AOX1: variants seen among roughly 807,000 people sequenced by gnomAD.
AOX1 encodes aldehyde oxidase 1, also known as aldehyde oxidase.
A neutral mutation model predicts 169.5 loss-of-function variants in AOX1; 153 were observed. That is an observed-to-expected ratio of 0.90 (90% CI 0.79 to 1.03). The LOEUF (loss-of-function observed/expected upper bound fraction) is 1.03. Ranked by LOEUF, AOX1 falls within the 50% of genes least tolerant of loss-of-function variation. The pLI, the probability that AOX1 is intolerant of heterozygous loss-of-function variation, is 0.00. For missense variants in AOX1, 1,656 were observed against 1,663.9 expected (o/e 1.00, Z 0.08); for synonymous variants, 562 against 581.9 (o/e 0.97, Z 0.49).
chr2:200,666,911 T>C lies in AOX1; in HGVS notation c.3609+159T>C, dbSNP rs146806562. 9.2e-3 allele frequency among the ~76,000 whole-genome samples: 1,403 copies of C among 152,244 alleles called. 21 individuals are homozygous for C. The highest frequency in any genetic ancestry group is 0.032 in the African/African-American group (1,340 of 41,520). On this transcript the variant is annotated intron_variant, in intron 32 of 34. Transcript: ENST00000374700. ...CTGCAGAGCTCAAATGTTTTACTGT[T>C]TAAAAGGGGGAAGGAAATAAAGGTG... is the stretch of plus-strand genomic sequence containing the variant.
intron 4 of AOX1, chr2:200,676,800 CT>C: frequency 4.7e-6 from 2 of 421,162 alleles, no homozygotes; most frequent in Non-Finnish European, 9.8e-6. Context: ...CAGACAGGAG[CT>C]GGTTGGAGGA....
rs148405359 is a variant in AOX1 at position 200,654,537 on chromosome 2, A to G, written c.3076-2305A>G. ...GCTGTGGTTTGGAGCTGAACCTGCA[A>G]TATCAGTGTACTTACTTCCTGCAGT... On this transcript the variant is annotated intron_variant, in intron 26 of 34. Coordinates refer to ENST00000374700, the MANE Select transcript of AOX1 (RefSeq NM_001159.4). Among the ~76,000 whole-genome samples, 46 of 152,352 alleles carry G rather than the reference A, an allele frequency of 3.0e-4. No homozygotes were observed. The East Asian group carries it at 5.0e-3, about 17-fold the overall frequency.
chr2:200,620,744 G>C lies in AOX1; in HGVS notation c.1799G>C (p.Cys600Ser). The C allele has an allele frequency of 6.2e-7, 1 of 1,609,006 alleles. No individual in the cohort carries two copies. The highest frequency in any genetic ancestry group is 8.5e-7 in the Non-Finnish European group (1 of 1,178,412). Reference protein sequence around the residue: ...VKHATGEAIYCDDMPLVDQEL... With the variant: ...VKHATGEAIYSDDMPLVDQEL... ...CATGCCACGGGGGAGGCCATCTACT[G>C]TGATGACATGCCTCTGGTGGACCAG... Residue 600 changes from cysteine to serine, a missense_variant, in exon 17 of 35, where the codon TGT becomes TCT. Physicochemically the swap from Cys to Ser is moderately radical, Grantham distance 112. Transcript: ENST00000374700.
At position 200,666,871 on chromosome 2, in the gene AOX1, C is replaced by T. The variant is rs904124907; in HGVS notation, c.3609+119C>T. Reference sequence around the variant, plus strand: ...CTTATTTTTCTAACCCTTTAGTCAACTCTATTCAGACCAACTGCAGAGCTC... The same window carrying T: ...CTTATTTTTCTAACCCTTTAGTCAATTCTATTCAGACCAACTGCAGAGCTC... On this transcript the variant is annotated intron_variant, in intron 32 of 34. Transcript: ENST00000374700. 7 of 627,954 alleles carry T rather than the reference C, an allele frequency of 1.1e-5. No homozygotes were observed. In the African/African-American group the frequency reaches 1.1e-4, roughly 10 times the overall value. The allele number at this position is 627,954 out of a possible 1,614,324, so 38.9% of individuals were successfully genotyped here. A position where few individuals can be genotyped will look rare whatever the true frequency, so the allele number is the denominator to read the frequency against.
At chr2:200,597,091 G>A (rs2465657) in intron 3 of AOX1, among the ~76,000 whole-genome samples, 32,320 of 152,076 alleles carry the variant, frequency 0.21, 3,690 homozygotes, top group East Asian at 0.44. Context: ...CCTCATTCAA[G>A]AGCAAAAACC....
chr2:200,675,775 G>A (rs1279779665), downstream of AOX1, among the ~76,000 whole-genome samples: 1 of 151,952 alleles, frequency 6.6e-6, no homozygotes, highest in Middle Eastern at 3.2e-3. Flanking sequence ...ACTGTTTTAA[G>A]CACTTTACTT....
chr2:200,588,726 C>CTTTTTTTTTTTTTTTTTGTTTTTTT (rs2034097349), intron 1 of AOX1, among the ~76,000 whole-genome samples: 1 of 53,986 alleles, frequency 1.9e-5, no homozygotes, highest in Non-Finnish European at 3.9e-5. Context: ...CTAGAATAAG[C>CTTTTTTTTTTTTTTTTTGTTTTTTT]TTTTTTTTTT....
At chr2:200,619,304 G>T (rs2034832545) in intron 16 of AOX1, among the ~76,000 whole-genome samples, 2 of 152,146 alleles carry the variant, frequency 1.3e-5, no homozygotes, top group African/African-American at 4.8e-5. Context: ...TGAGCTGCAG[G>T]ATGGGAAGGG....
rs5837752 is a variant in AOX1, at chr2:200,657,190, ATTT to A, written c.3171+266_3171+268del. 1.7e-3 allele frequency among the ~76,000 whole-genome samples: 107 copies of A among 62,876 alleles called. 6 individuals are homozygous for A. Among genetic ancestry groups the A allele is most frequent in the African/African-American group, 7.5e-3 (95 of 12,642 alleles). 41.2% of individuals were successfully genotyped at this position (62,876 alleles called of 152,430 possible). A position where few individuals can be genotyped will look rare whatever the true frequency, so the allele number is the denominator to read the frequency against. On this transcript the variant is annotated intron_variant, in intron 27 of 34. Coordinates refer to ENST00000374700, the MANE Select transcript of AOX1 (RefSeq NM_001159.4). ...AATATATATATATATATATATATAT[ATTT>A]TTTTTTTTTTTTAATTAGCAGGGCA...
chr2:200,679,747 A>G (rs2036137689), downstream of AOX1, among the ~76,000 whole-genome samples: 1 of 152,102 alleles, frequency 6.6e-6, no homozygotes, highest in African/African-American at 2.4e-5. Context: ...ACAAAGACAT[A>G]AAAAAGGGAT....
At position 200,623,879 on chromosome 2, in the gene AOX1, C is replaced by T. The variant is rs200732153; in HGVS notation, c.2020C>T (p.Leu674Phe). Residue 674 changes from leucine (L) to phenylalanine (F), a missense_variant, in exon 19 of 35, where the codon CTT (leucine) becomes TTT (phenylalanine). Coordinates refer to ENST00000374700, the MANE Select transcript of AOX1 (RefSeq NM_001159.4). ...GTCGTAGGTGTTCTGTGTGGGTCAG[C>T]TTGTCTGTGCTGTGCTTGCCGATTC... is the stretch of plus-strand genomic sequence containing the variant. ...ATDKVFCVGQ[L>F]VCAVLADSEV... is the part of the protein sequence containing the mutation. The T allele has an allele frequency of 6.2e-6, 10 of 1,613,990 alleles. No homozygotes were observed. The Admixed American group carries it at 1.3e-4, about 22-fold the overall frequency.
chr2:200,668,517 A>G (rs1224411425), intron 32 of AOX1, 98 bp from the exon 33 acceptor site: 3 of 1,113,408 alleles, frequency 2.7e-6, no homozygotes, highest in Non-Finnish European at 3.9e-6. Context: ...CTTAAACTGT[A>G]ATTTTAAAAT....
chr2:200,624,655 C>A (rs973096561), intron 19 of AOX1, among the ~76,000 whole-genome samples: 1 of 152,196 alleles, frequency 6.6e-6, no homozygotes, highest in African/African-American at 2.4e-5. Flanking sequence ...TCGTATGATG[C>A]CTACAGGTAT....
chr2:200,610,029 G>T (rs1159763484), intron 12 of AOX1, among the ~76,000 whole-genome samples: 1 of 151,434 alleles, frequency 6.6e-6, no homozygotes, highest in Non-Finnish European at 1.5e-5. Context: ...TCTATCATCT[G>T]CATTGTTAAA....
intron 18 of AOX1, among the ~76,000 whole-genome samples, chr2:200,623,183 C>A (rs145613941): frequency 3.3e-5 from 5 of 152,314 alleles, no homozygotes; most frequent in Non-Finnish European, 5.9e-5. Flanking sequence ...TTCTTCCAGT[C>A]CAGACTGTTT....
In AOX1 at chr2:200,604,832, C is replaced by T. The variant is rs1276877290; in HGVS notation, c.806C>T (p.Thr269Ile). ...CAGGCTCCTGTTATCATGGGAAACACCTCTGTGGGTATGTAGAACCCCAGG... is the reference window on the plus strand; with the variant it reads ...CAGGCTCCTGTTATCATGGGAAACATCTCTGTGGGTATGTAGAACCCCAGG... ...YPQAPVIMGNTSVGPEVKFKG... is the reference protein window; with the variant it reads ...YPQAPVIMGNISVGPEVKFKG... Residue 269 changes from threonine to isoleucine, a missense_variant, in exon 9 of 35, where the codon ACC becomes ATC. Coordinates refer to ENST00000374700, the MANE Select transcript of AOX1 (RefSeq NM_001159.4). 6.2e-7 allele frequency: 1 copy of T among 1,613,934 alleles called. No individual in the cohort carries two copies. Among genetic ancestry groups the T allele is most frequent in the Non-Finnish European group, 8.5e-7 (1 of 1,179,918 alleles).
chr2:200,658,903 C>T (rs2105766786), intron 27 of AOX1, among the ~76,000 whole-genome samples: 1 of 152,328 alleles, frequency 6.6e-6, no homozygotes, highest in Middle Eastern at 3.4e-3. Context: ...TTCTTCCTGC[C>T]TTGGCCTGGG....
In AOX1 at chr2:200,616,046, A is replaced by G. The variant is rs775478431; in HGVS notation, c.1687A>G (p.Ser563Gly). 1 of 1,611,664 alleles carries G rather than the reference A, an allele frequency of 6.2e-7. No individual in the cohort carries two copies. The highest frequency in any genetic ancestry group is 8.5e-7 in the Non-Finnish European group (1 of 1,177,798). ...LEDLHSKHHC[S>G]TLKYQNIGPK... ...AGATCTTCATTCCAAACATCACTGC[A>G]GTACATTAAAGTACCAGGTGAGCGG... is the stretch of plus-strand genomic sequence containing the variant. Residue 563 changes from serine to glycine, a missense_variant, in exon 16 of 35, where the codon AGT (serine) becomes GGT (glycine). Coordinates refer to ENST00000374700, the MANE Select transcript of AOX1 (RefSeq NM_001159.4).
At chr2:200,599,778 AT>A in intron 5 of AOX1, 32 bp downstream of exon 5, 1 of 1,384,934 alleles carries the variant, frequency 7.2e-7, no homozygotes, top group South Asian at 1.8e-5. Context: ...TTATTTTTTA[AT>A]TTTTATTTAT....
Sources: allele counts gnomAD v4.1 joint callset (sites outside exome capture counted in the v4.1 genomes callset), GRCh38; gene constraint gnomAD v4.1.1; transcripts MANE v1.5; gene names NCBI Gene and HGNC (gene_info 2026-07-23, HGNC 2026-07-21).